The following POU2F1 variants were observed in gnomAD, a reference collection of about 807,000 sequenced individuals.
The protein encoded by POU2F1 is POU class 2 homeobox 1, also known as POU domain, class 2, transcription factor 1.
In POU2F1, 16 loss-of-function variants were observed where a neutral mutation model predicts 84.9. The observed-to-expected ratio is 0.19, with a 90% CI of 0.13 to 0.29. POU2F1 has a LOEUF of 0.29. Ranked by LOEUF, POU2F1 falls within the 10% of genes least tolerant of loss-of-function variation. The probability of loss-of-function intolerance (pLI) is 1.00; values close to 1 mark genes in which losing one functional copy is unlikely to be tolerated. For missense variants in POU2F1, 738 were observed against 942.6 expected (o/e 0.78, Z 2.84); for synonymous variants, 368 against 368.3 (o/e 1.00, Z 0.01).
intron 13 of POU2F1, among the ~76,000 whole-genome samples, chr1:167,403,789 C>T (rs1649367697): frequency 6.6e-6 from 1 of 152,112 alleles, no homozygotes; most frequent in African/African-American, 2.4e-5. Flanking sequence ...CCCTGTCATC[C>T]TCTTTGATTC....
intron 7 of POU2F1, among the ~76,000 whole-genome samples, chr1:167,383,069 T>C (rs1004829585): frequency 6.6e-6 from 1 of 152,206 alleles, no homozygotes. Flanking sequence ...TTGGTGTGCT[T>C]TGTCGAATAC....
Position 167,244,313 on chromosome 1 carries a change from A to G in POU2F1, c.61+23355A>G, listed in dbSNP as rs538994220. On this transcript the variant is annotated intron_variant, in intron 1 of 15. Transcript: ENST00000367866. ...GCCTCATCTGAAGGTTCAACTGGGGAAGCATATGCTGCCAAGCTCACTCAC... is the reference window on the plus strand; with the variant it reads ...GCCTCATCTGAAGGTTCAACTGGGGGAGCATATGCTGCCAAGCTCACTCAC... 1.2e-3 allele frequency among the ~76,000 whole-genome samples: 188 copies of G among 152,284 alleles called. 2 individuals are homozygous for G. The highest frequency in any genetic ancestry group is 4.2e-3 in the African/African-American group (175 of 41,550).
chr1:167,365,507 G>T lies in POU2F1; in HGVS notation c.168G>T (p.Val56=). The change falls in exon 3 of 16, where the codon GTG becomes GTT. Residue 56 remains valine, a synonymous_variant. Coordinates refer to ENST00000367866, the MANE Select transcript of POU2F1 (RefSeq NM_002697.4). ...GTCTGGACTTTCAGAAGCAGCCTGT[G>T]CCTGTAGGAGGAGCAATCTCAACAG... is the stretch of plus-strand genomic sequence containing the variant. ...TNGLDFQKQP[V]PVGGAISTAQ... 6.2e-7 allele frequency: 1 copy of T among 1,603,924 alleles called. No individual in the cohort carries two copies. Among genetic ancestry groups the T allele is most frequent in the Non-Finnish European group, 8.5e-7 (1 of 1,175,694 alleles).
intron 2 of POU2F1, among the ~76,000 whole-genome samples, chr1:167,364,966 A>G (rs1379655755): frequency 6.6e-6 from 1 of 152,184 alleles, no homozygotes; most frequent in African/African-American, 2.4e-5. Flanking sequence ...TAGTACAGCT[A>G]TTGTTTTCTT....
At chr1:167,272,787 A>G (rs531602727) in intron 1 of POU2F1, among the ~76,000 whole-genome samples, 1 of 152,176 alleles carries the variant, frequency 6.6e-6, no homozygotes, top group African/African-American at 2.4e-5. Context: ...CACAAATCCA[A>G]ACCGTATCAT....
rs186028333 is a variant in POU2F1, at chr1:167,336,746, C to T, written c.127+4211C>T. Among the ~76,000 whole-genome samples the T allele has an allele frequency of 3.9e-5, 6 of 152,174 alleles. No homozygotes were observed. The South Asian group carries it at 6.2e-4, about 16-fold the overall frequency. On this transcript the variant is annotated intron_variant, in intron 2 of 15. Transcript: ENST00000367866. Reference sequence around the variant, plus strand: ...TACCTTTTTATTTCATTGAAAATACCGGCCTGGTGCAGTGGCTCATGCCTG... The same window carrying T: ...TACCTTTTTATTTCATTGAAAATACTGGCCTGGTGCAGTGGCTCATGCCTG...
intron 1 of POU2F1, among the ~76,000 whole-genome samples, chr1:167,329,660 A>G (rs1239686203): frequency 6.6e-6 from 1 of 152,132 alleles, no homozygotes; most frequent in Non-Finnish European, 1.5e-5. Flanking sequence ...TACATATATA[A>G]TATATACATA....
At position 167,343,686 on chromosome 1, in the gene POU2F1, T is replaced by TAA. The variant is rs1553211577; in HGVS notation, c.127+11151_127+11152insAA. Among the ~76,000 whole-genome samples, 110 of 80,378 alleles carry TAA rather than the reference T, an allele frequency of 1.4e-3. 23 individuals carry two copies. The highest frequency in any genetic ancestry group is 3.0e-3 in the East Asian group (8 of 2,684). The allele number at this position is 80,378 out of a possible 152,430, so 52.7% of individuals were successfully genotyped here. A position where few individuals can be genotyped will look rare whatever the true frequency, so the allele number is the denominator to read the frequency against. On this transcript the variant is annotated intron_variant, in intron 2 of 15. Coordinates refer to ENST00000367866, the MANE Select transcript of POU2F1 (RefSeq NM_002697.4). ...TTTTTTTTTTTTTTTTTTTTTTTTT[T>TAA]GAAGGAAGGAAAGGGAGTAATTTAA...
At chr1:167,221,266 G>C (rs980244595) in intron 1 of POU2F1, among the ~76,000 whole-genome samples, 7 of 150,962 alleles carry the variant, frequency 4.6e-5, no homozygotes, top group African/African-American at 1.7e-4. Context: ...TCCTCTGCCG[G>C]CCGCCGCTGC....
At chr1:167,278,098 C>A (rs1652864294) in intron 1 of POU2F1, among the ~76,000 whole-genome samples, 1 of 152,142 alleles carries the variant, frequency 6.6e-6, no homozygotes, top group South Asian at 2.1e-4. Context: ...TAACATTCCC[C>A]AGGCCTACTT....
At chr1:167,409,530 TG>T (rs1477154494) in intron 13 of POU2F1, among the ~76,000 whole-genome samples, 1 of 152,200 alleles carries the variant, frequency 6.6e-6, no homozygotes, top group Non-Finnish European at 1.5e-5. Context: ...ACTCACTGAC[TG>T]GGATAATTAA....
intron 1 of POU2F1, among the ~76,000 whole-genome samples, chr1:167,232,194 C>T (rs1363043058): frequency 6.6e-6 from 1 of 152,172 alleles, no homozygotes; most frequent in East Asian, 1.9e-4. Context: ...TAAGTGGACC[C>T]ACACAGTTCA....
intron 2 of POU2F1, 39 bp downstream of exon 2, chr1:167,332,574 T>G (rs983745321): frequency 6.7e-7 from 1 of 1,498,580 alleles, no homozygotes; most frequent in Non-Finnish European, 9.3e-7. Context: ...TTAACTCTAG[T>G]AGAGCACAAA....
intron 1 of POU2F1, among the ~76,000 whole-genome samples, chr1:167,287,429 T>C (rs931705768): frequency 2.0e-5 from 3 of 152,188 alleles, no homozygotes; most frequent in African/African-American, 7.2e-5. Context: ...TATTAGCCTG[T>C]AACCCAAAAT....
At chr1:167,395,238 A>G (rs1181543560) in intron 9 of POU2F1, among the ~76,000 whole-genome samples, 1 of 152,216 alleles carries the variant, frequency 6.6e-6, no homozygotes, top group Non-Finnish European at 1.5e-5. Context: ...CATCTTTTGT[A>G]ATATATTCAG....
At chr1:167,303,109 TA>T (rs1335493139) in intron 1 of POU2F1, among the ~76,000 whole-genome samples, 6 of 152,170 alleles carry the variant, frequency 3.9e-5, no homozygotes, top group Non-Finnish European at 5.9e-5. Context: ...TATTGTATAT[TA>T]GGGGGAGGTT....
At chr1:167,282,114 G>C (rs1040142499) in intron 1 of POU2F1, among the ~76,000 whole-genome samples, 4 of 150,732 alleles carry the variant, frequency 2.7e-5, no homozygotes, top group Non-Finnish European at 4.4e-5. Context: ...TATTCATACT[G>C]TTACTTAAGT....
chr1:167,373,500 C>T (rs1374900692), intron 5 of POU2F1, among the ~76,000 whole-genome samples: 2 of 152,162 alleles, frequency 1.3e-5, no homozygotes, highest in African/African-American at 4.8e-5. Flanking sequence ...CTATCACCAC[C>T]TGTTTCATAG....
intron 8 of POU2F1, among the ~76,000 whole-genome samples, chr1:167,385,657 G>T (rs1177573528): frequency 1.3e-5 from 2 of 152,178 alleles, no homozygotes; most frequent in Non-Finnish European, 2.9e-5. Context: ...AGATTTGTTT[G>T]ATGGGTCATA....
Sources: gnomAD v4.1 joint callset for allele counts (sites outside exome capture counted in the v4.1 genomes callset) on GRCh38, gnomAD v4.1.1 for gene constraint, MANE v1.5 for transcripts, NCBI Gene and HGNC (gene_info 2026-07-23, HGNC 2026-07-21) for gene names.